The following FGF14 variants were observed in gnomAD, a reference collection of about 807,000 sequenced individuals.
The protein encoded by FGF14 is fibroblast growth factor 14.
In FGF14, 5 loss-of-function variants were observed where a neutral mutation model predicts 25.5. The ratio of observed to expected loss-of-function variants is 0.20; its 90% CI spans 0.10 to 0.41. The LOEUF (loss-of-function observed/expected upper bound fraction) is 0.41, where lower values mean the gene tolerates loss of function less well. Ranked by LOEUF, FGF14 falls within the 10% of genes least tolerant of loss-of-function variation. The pLI is 1.00. For synonymous variants in FGF14, 138 were observed against 118.3 expected (o/e 1.17, Z -1.08); for missense variants, 222 against 320.1 (o/e 0.69, Z 2.34).
chr13:102,245,606 T>A (rs2051826862), intron 1 of FGF14, among the ~76,000 whole-genome samples: 1 of 152,068 alleles, frequency 6.6e-6, no homozygotes. Flanking sequence ...ATAATTTCCT[T>A]TAGATTGTTA....
At chr13:102,377,349 G>C (rs1354943918) in intron 1 of FGF14, among the ~76,000 whole-genome samples, 1 of 152,106 alleles carries the variant, frequency 6.6e-6, no homozygotes, top group Admixed American at 6.5e-5. Context: ...CAAAGTTTTT[G>C]AGATATTTAT....
intron 1 of FGF14, among the ~76,000 whole-genome samples, chr13:102,044,972 TTA>T (rs1198383430): frequency 1.3e-5 from 2 of 152,274 alleles, no homozygotes; most frequent in Non-Finnish European, 1.5e-5. Context: ...ATCCTCATTC[TTA>T]TACAAGGACA....
chr13:102,222,809 G>A (rs971760977), intron 1 of FGF14, among the ~76,000 whole-genome samples: 5 of 151,978 alleles, frequency 3.3e-5, no homozygotes, highest in Non-Finnish European at 5.9e-5. Flanking sequence ...TGTCCTTCTC[G>A]AAATACAGCA....
At chr13:102,268,819 T>C (rs2053116158) in intron 1 of FGF14, among the ~76,000 whole-genome samples, 1 of 152,112 alleles carries the variant, frequency 6.6e-6, no homozygotes, top group African/African-American at 2.4e-5. Flanking sequence ...AAAAAATATT[T>C]CCATCAAAAG....
In FGF14 at chr13:102,041,134, T is replaced by C. The variant is rs2041713354; in HGVS notation, c.209-165838A>G. ...TGTATGTTGTACCTATTTGCCAATCTGAAAAAAAAATTTATATAACTTTCT... is the reference window on the plus strand; with the variant it reads ...TGTATGTTGTACCTATTTGCCAATCCGAAAAAAAAATTTATATAACTTTCT... On this transcript the variant is annotated intron_variant, in intron 1 of 4. Coordinates refer to the FGF14 transcript ENST00000376131. Among the ~76,000 whole-genome samples the C allele has an allele frequency of 2.0e-5, 3 of 151,928 alleles. No individual in the cohort carries two copies. In the South Asian group the frequency reaches 6.2e-4, roughly 32 times the overall value.
chr13:102,340,203 A>C (rs960820746), intron 1 of FGF14, among the ~76,000 whole-genome samples: 1 of 152,178 alleles, frequency 6.6e-6, no homozygotes, highest in African/African-American at 2.4e-5. Context: ...TTCCAGTTGC[A>C]ATGTTTTCAG....
intron 1 of FGF14, among the ~76,000 whole-genome samples, chr13:101,927,802 G>T (rs2034470767): frequency 1.3e-5 from 2 of 152,048 alleles, no homozygotes; most frequent in African/African-American, 2.4e-5. Flanking sequence ...CACAGCTCCT[G>T]ATCAGAGGGG....
At chr13:102,023,562 A>G (rs2040778467) in intron 1 of FGF14, among the ~76,000 whole-genome samples, 1 of 152,042 alleles carries the variant, frequency 6.6e-6, no homozygotes, top group African/African-American at 2.4e-5. Context: ...TTATCATCAC[A>G]AAAAGAAACT....
At chr13:102,133,800 G>A (rs970830949) in intron 1 of FGF14, among the ~76,000 whole-genome samples, 4 of 152,140 alleles carry the variant, frequency 2.6e-5, no homozygotes, top group East Asian at 1.9e-4. Flanking sequence ...GAATTCCCTC[G>A]TTGCTGCATG....
intron 3 of FGF14, among the ~76,000 whole-genome samples, chr13:101,813,897 C>T (rs1004940171): frequency 2.0e-4 from 31 of 152,194 alleles, no homozygotes; most frequent in African/African-American, 7.5e-4. Context: ...AAACAATCAT[C>T]AGGCTTAATG....
At chr13:101,959,687 G>A (rs2036722557) in intron 1 of FGF14, among the ~76,000 whole-genome samples, 1 of 152,104 alleles carries the variant, frequency 6.6e-6, no homozygotes, top group South Asian at 2.1e-4. Flanking sequence ...TCTGGTCAAA[G>A]CCTATTACTT....
chr13:102,143,211 A>G (rs2046716949), intron 1 of FGF14, among the ~76,000 whole-genome samples: 1 of 152,186 alleles, frequency 6.6e-6, no homozygotes, highest in Admixed American at 6.6e-5. Context: ...AGTTTCCTCT[A>G]CAAAATACTT....
intron 1 of FGF14, among the ~76,000 whole-genome samples, chr13:102,014,384 C>T (rs538349082): frequency 6.6e-6 from 1 of 151,998 alleles, no homozygotes; most frequent in Non-Finnish European, 1.5e-5. Flanking sequence ...TATAGATTGA[C>T]CAGAACCAGG....
rs1250323827 is a variant in FGF14, at chr13:102,400,551, A to G, written c.208+920T>C. Among the ~76,000 whole-genome samples the G allele has an allele frequency of 3.9e-5, 6 of 151,998 alleles. No homozygotes were observed. The highest frequency in any genetic ancestry group is 2.6e-4 in the Admixed American group (4 of 15,268). On this transcript the variant is annotated intron_variant, in intron 1 of 4. Coordinates refer to the FGF14 transcript ENST00000376131. This position sits in a 1 kb window ranked among gnomAD's most constrained non-coding sequence, Gnocchi z 4.3. ...GCCCACAGCTCCGCGGCCGCCCCCAATCGCCTCGGACTGAGACGCGGGGAC... is the reference window on the plus strand; with the variant it reads ...GCCCACAGCTCCGCGGCCGCCCCCAGTCGCCTCGGACTGAGACGCGGGGAC...
intron 1 of FGF14, among the ~76,000 whole-genome samples, chr13:102,008,555 T>C (rs1411254817): frequency 6.6e-6 from 1 of 152,232 alleles, no homozygotes; most frequent in Non-Finnish European, 1.5e-5. Flanking sequence ...AGTCATGTAA[T>C]GTAATGTAAT....
At chr13:102,266,664 G>T (rs893933971) in intron 1 of FGF14, among the ~76,000 whole-genome samples, 2 of 152,004 alleles carry the variant, frequency 1.3e-5, no homozygotes, top group Non-Finnish European at 2.9e-5. Context: ...ATTTTAAAAA[G>T]ATATTAAACA....
At chr13:101,908,994 G>T (rs1359802417) in intron 1 of FGF14, among the ~76,000 whole-genome samples, 2 of 152,148 alleles carry the variant, frequency 1.3e-5, no homozygotes, top group Non-Finnish European at 2.9e-5. Context: ...ATGGGGAAAG[G>T]ATTCCCTGTT....
chr13:102,000,293 T>TGGGC (rs1374392807), intron 1 of FGF14, among the ~76,000 whole-genome samples: 4 of 152,302 alleles, frequency 2.6e-5, no homozygotes, highest in Non-Finnish European at 5.9e-5. Flanking sequence ...CACTCCAGCC[T>TGGGC]GGGCGACAGA....
At chr13:101,863,552 G>A (rs2044537549) in intron 3 of FGF14, among the ~76,000 whole-genome samples, 1 of 152,146 alleles carries the variant, frequency 6.6e-6, no homozygotes. Flanking sequence ...GCATGTAAAG[G>A]TGTTACTCAG....
Sources: gnomAD v4.1 joint callset for allele counts (sites outside exome capture counted in the v4.1 genomes callset) on GRCh38, gnomAD v4.1.1 for gene constraint, Gnocchi (gnomAD v3.1) non-coding constraint, MANE v1.5 for transcripts, NCBI Gene and HGNC (gene_info 2026-07-23, HGNC 2026-07-21) for gene names.